MEGF11: variants seen among roughly 807,000 people sequenced by gnomAD.
MEGF11 encodes the protein multiple epidermal growth factor-like domains protein 11.
Under a neutral mutation model 146.6 loss-of-function variants are expected in MEGF11, and 126 were observed. The observed-to-expected ratio is 0.86, with a 90% CI of 0.74 to 1.00. The LOEUF is 1.00. Ranked by LOEUF, MEGF11 falls within the 50% of genes least tolerant of loss-of-function variation. The pLI is 0.00. For synonymous variants in MEGF11, 532 were observed against 583.4 expected (o/e 0.91, Z 1.27); for missense variants, 1,509 against 1,521.2 (o/e 0.99, Z 0.13).
intron 2 of MEGF11, among the ~76,000 whole-genome samples, chr15:66,124,213 C>T (rs2088212815): frequency 6.6e-6 from 1 of 152,158 alleles, no homozygotes; most frequent in Non-Finnish European, 1.5e-5. Context: ...GACATATTTA[C>T]TGACCTTTGG....
chr15:66,153,888 A>G (rs1391689828), intron 1 of MEGF11, among the ~76,000 whole-genome samples: 3 of 152,090 alleles, frequency 2.0e-5, no homozygotes, highest in African/African-American at 7.2e-5. Context: ...GTGCATATTA[A>G]GCACCTGGGC....
chr15:65,985,128 C>T (rs2081808655), intron 5 of MEGF11, among the ~76,000 whole-genome samples: 1 of 152,188 alleles, frequency 6.6e-6, no homozygotes, highest in African/African-American at 2.4e-5. Context: ...GTGCTACATA[C>T]ATGACTAAAA....
intron 5 of MEGF11, among the ~76,000 whole-genome samples, chr15:66,078,764 C>T (rs2085704785): frequency 6.6e-6 from 1 of 152,190 alleles, no homozygotes; most frequent in Non-Finnish European, 1.5e-5. Flanking sequence ...CAGCTGGGCT[C>T]CCGCCACTCT....
rs567991947 is a variant in MEGF11, at chr15:66,150,106, G to A, written c.-8-21695C>T. Among the ~76,000 whole-genome samples the A allele has an allele frequency of 3.8e-4, 58 of 152,352 alleles. No homozygotes were observed. The South Asian group carries it at 6.6e-3, about 17-fold the overall frequency. On this transcript the variant is annotated intron_variant, in intron 1 of 25. Coordinates refer to ENST00000395614, the MANE Select transcript of MEGF11 (RefSeq NM_001385028.1). The stretch of plus-strand genomic sequence containing the variant: ...GAGAAGCAGCCCCCACATCCCAGCC[G>A]GCTCCCCCTTTCATGTGGCTCTGGG...
At chr15:66,133,354 G>A (rs532363879) in intron 1 of MEGF11, among the ~76,000 whole-genome samples, 1 of 152,350 alleles carries the variant, frequency 6.6e-6, no homozygotes, top group East Asian at 1.9e-4. Flanking sequence ...GCGCTTTCAG[G>A]TCTGGGAAGC....
At chr15:65,932,821 GTC>G (rs1282662671) in intron 10 of MEGF11, among the ~76,000 whole-genome samples, 3 of 152,120 alleles carry the variant, frequency 2.0e-5, no homozygotes, top group African/African-American at 7.2e-5. Flanking sequence ...TCCAGCCAGC[GTC>G]TCAGGCCTTA....
At chr15:66,077,926 G>T (rs186596513) in intron 5 of MEGF11, among the ~76,000 whole-genome samples, 134 of 152,308 alleles carry the variant, frequency 8.8e-4, no homozygotes, top group Middle Eastern at 3.4e-3. Flanking sequence ...ATCCAGAGGG[G>T]CCAGGAAGGC....
chr15:65,945,633 G>T (rs879523733), intron 10 of MEGF11, among the ~76,000 whole-genome samples: 1 of 152,212 alleles, frequency 6.6e-6, no homozygotes, highest in Non-Finnish European at 1.5e-5. Context: ...TGAGTGTTTT[G>T]TATTGGAGAA....
intron 10 of MEGF11, among the ~76,000 whole-genome samples, chr15:65,940,646 A>T (rs961631151): frequency 1.3e-5 from 2 of 152,234 alleles, no homozygotes; most frequent in African/African-American, 4.8e-5. Context: ...AGGTATGAGG[A>T]ACAGAGAGCC....
chr15:66,129,930 T>G (rs2088567155), intron 1 of MEGF11, among the ~76,000 whole-genome samples: 1 of 152,220 alleles, frequency 6.6e-6, no homozygotes, highest in African/African-American at 2.4e-5. Flanking sequence ...TTCAAATGAA[T>G]GCATTCTGAA....
chr15:66,026,869 C>T (rs147246001), intron 5 of MEGF11, among the ~76,000 whole-genome samples: 483 of 152,326 alleles, frequency 3.2e-3, no homozygotes, highest in Non-Finnish European at 4.5e-3. Context: ...ATCTGTAAAA[C>T]AGGTATGCTC....
At chr15:66,189,811 C>T (rs2090820848) in intron 1 of MEGF11, among the ~76,000 whole-genome samples, 1 of 148,198 alleles carries the variant, frequency 6.7e-6, no homozygotes, top group Admixed American at 6.8e-5. Context: ...CTTAGAGTTC[C>T]AATGAGCAAC....
At chr15:66,163,767 G>A (rs554628986) in intron 1 of MEGF11, among the ~76,000 whole-genome samples, 115 of 152,296 alleles carry the variant, frequency 7.6e-4, no homozygotes, top group African/African-American at 2.4e-3. Context: ...TGCAGTGCAC[G>A]GGGCATCAAT....
At chr15:65,941,989 T>C (rs2080008943) in intron 10 of MEGF11, among the ~76,000 whole-genome samples, 1 of 151,964 alleles carries the variant, frequency 6.6e-6, no homozygotes, top group African/African-American at 2.4e-5. Context: ...GCCAGGCACT[T>C]TTTTTTTCCC....
rs192069696 is a variant in MEGF11, at chr15:65,958,977, C to G, written c.1113-1256G>C. ...CTGGCAGGGAGAACCTGGGGCAAGT[C>G]TTGGTTCTGCTAACTTCCATGGGGC... On this transcript the variant is annotated intron_variant, in intron 9 of 25. Transcript: ENST00000395614. Among the ~76,000 whole-genome samples the G allele has an allele frequency of 4.6e-5, 7 of 152,356 alleles. No individual in the cohort carries two copies. The East Asian group carries it at 5.8e-4, about 13-fold the overall frequency.
rs549359541 is a variant in MEGF11 at position 66,219,993 on chromosome 15, A to C, written c.-9+33612T>G. Among the ~76,000 whole-genome samples, 8 of 152,296 alleles carry C rather than the reference A, an allele frequency of 5.3e-5. No individual in the cohort carries two copies. In the South Asian group the frequency reaches 1.7e-3, roughly 32 times the overall value. On this transcript the variant is annotated intron_variant, in intron 1 of 25. Coordinates refer to ENST00000395614, the MANE Select transcript of MEGF11 (RefSeq NM_001385028.1). Reference sequence around the variant, plus strand: ...TTATTTGGAAATAGGGTCTTTGCAGATATCATTAGTTAAAATAAGGTCATA... The same window carrying C: ...TTATTTGGAAATAGGGTCTTTGCAGCTATCATTAGTTAAAATAAGGTCATA...
intron 5 of MEGF11, among the ~76,000 whole-genome samples, chr15:66,011,852 G>C (rs569258893): frequency 5.3e-5 from 8 of 152,180 alleles, no homozygotes; most frequent in Non-Finnish European, 1.2e-4. Context: ...GCAAATAAAG[G>C]AACAGTTATG....
intron 2 of MEGF11, among the ~76,000 whole-genome samples, chr15:66,128,060 G>A (rs879314024): frequency 5.9e-5 from 9 of 152,232 alleles, no homozygotes; most frequent in Non-Finnish European, 1.2e-4. Context: ...TGGCTGGGAA[G>A]TGCTAGTGCA....
chr15:66,101,420 A>G (rs1339564973), intron 4 of MEGF11, among the ~76,000 whole-genome samples: 1 of 152,158 alleles, frequency 6.6e-6, no homozygotes, highest in African/African-American at 2.4e-5. Flanking sequence ...TACATTTCAC[A>G]TAAACTTGGA....
Sources: allele counts gnomAD v4.1 joint callset (sites outside exome capture counted in the v4.1 genomes callset), GRCh38; gene constraint gnomAD v4.1.1; transcripts MANE v1.5; gene names NCBI Gene and HGNC (gene_info 2026-07-23, HGNC 2026-07-21).